IPO11: variants seen among roughly 807,000 people sequenced by gnomAD.
The protein encoded by IPO11 is importin 11.
A neutral mutation model predicts 143.2 loss-of-function variants in IPO11; 66 were observed. The ratio of observed to expected loss-of-function variants is 0.46; its 90% CI spans 0.38 to 0.57. The LOEUF is 0.57. Ranked by LOEUF, IPO11 falls within the 20% of genes least tolerant of loss-of-function variation. The pLI is 0.00. For synonymous variants in IPO11, 385 were observed against 377.8 expected, an observed-to-expected ratio of 1.02 and a Z score of -0.22; for missense variants, 1,026 against 1,141.0, an observed-to-expected ratio of 0.90 and a Z score of 1.45.
At chr5:62,580,744 A>G (rs1580348562) in intron 27 of IPO11, 2 of 1,551,494 alleles carry the variant, frequency 1.3e-6, no homozygotes, top group Non-Finnish European at 8.7e-7. Flanking sequence ...GGCCTGGCAT[A>G]AAGTAACCAC....
At chr5:62,554,309 T>C (rs1019590614) in intron 26 of IPO11, among the ~76,000 whole-genome samples, 4 of 152,198 alleles carry the variant, frequency 2.6e-5, no homozygotes, top group African/African-American at 7.2e-5. Flanking sequence ...TTTTTCCTTT[T>C]GTTGCCTATG....
chr5:62,437,139 T>C lies in IPO11; in HGVS notation c.-6-135T>C, dbSNP rs562521568. The C allele has an allele frequency of 1.5e-4, 89 of 574,768 alleles. No individual in the cohort carries two copies. The Middle Eastern group carries it at 4.8e-3, about 31-fold the overall frequency. 35.6% of individuals were successfully genotyped at this position (574,768 alleles called of 1,614,324 possible). ...GAGTATGGGGTATACTTAGAAAAGA[T>C]AGAAAGGCAGAACATGAAGGATTAG... On this transcript the variant is annotated intron_variant, in intron 1 of 29. Transcript: ENST00000325324.
chr5:62,550,515 T>G (rs968464767), intron 25 of IPO11, 53 bp downstream of exon 25: 4 of 1,175,520 alleles, frequency 3.4e-6, no homozygotes, highest in Non-Finnish European at 5.0e-6. Flanking sequence ...GGATTCTAGT[T>G]TTAATTACTC....
intron 1 of IPO11, among the ~76,000 whole-genome samples, chr5:62,420,001 A>G (rs2112094172): frequency 6.6e-6 from 1 of 152,234 alleles, no homozygotes; most frequent in East Asian, 1.9e-4. Context: ...TAACTCTTAA[A>G]AAAAGTAGGC....
intron 1 of IPO11, among the ~76,000 whole-genome samples, chr5:62,421,649 CTG>C (rs773106119): frequency 9.2e-5 from 14 of 152,150 alleles, no homozygotes; most frequent in Non-Finnish European, 2.1e-4. Context: ...AATACTTAAA[CTG>C]TGTAGAGAAC....
chr5:62,490,900 C>T lies in IPO11; in HGVS notation c.1463+680C>T, dbSNP rs6873199. On this transcript the variant is annotated intron_variant, in intron 15 of 29. Coordinates refer to ENST00000325324, the MANE Select transcript of IPO11 (RefSeq NM_016338.5). The stretch of plus-strand genomic sequence containing the variant: ...TCTCCTGAGTAGCAGGGATTACAGG[C>T]GCATGCCACCACACCTGGCCAGCCC... Among the ~76,000 whole-genome samples the T allele has an allele frequency of 7.0e-3, 1,072 of 152,226 alleles. 11 individuals carry two copies. Among genetic ancestry groups the T allele is most frequent in the African/African-American group, 0.025 (1,032 of 41,528 alleles).
chr5:62,488,280 C>T (rs1165759174), intron 13 of IPO11, among the ~76,000 whole-genome samples: 1 of 152,212 alleles, frequency 6.6e-6, no homozygotes, highest in Admixed American at 6.5e-5. Flanking sequence ...ACACTTTGTA[C>T]ACAAGTAACT....
At chr5:62,596,772 ATTCTGCCCCAC>A (rs1745240720) in intron 28 of IPO11, among the ~76,000 whole-genome samples, 1 of 151,876 alleles carries the variant, frequency 6.6e-6, no homozygotes, top group South Asian at 2.1e-4. Context: ...CCTCTGATCC[ATTCTGCCCCAC>A]TTAAAATTAA....
intron 27 of IPO11, among the ~76,000 whole-genome samples, chr5:62,584,272 G>A (rs1451601135): frequency 1.3e-5 from 2 of 152,034 alleles, no homozygotes; most frequent in Non-Finnish European, 2.9e-5. Context: ...CTTCAGTGGT[G>A]ATGGGACAGA....
chr5:62,513,306 G>A (rs1390761812), intron 19 of IPO11, among the ~76,000 whole-genome samples: 9 of 89,562 alleles, frequency 1.0e-4, no homozygotes, highest in African/African-American at 1.8e-4. Context: ...CTGGCTGGGC[G>A]TGGGGCTGAC....
intron 1 of IPO11, among the ~76,000 whole-genome samples, chr5:62,416,686 G>A (rs569335891): frequency 1.6e-4 from 24 of 151,434 alleles, no homozygotes; most frequent in African/African-American, 5.8e-4. Context: ...ACTTAACAAG[G>A]ATTTAAGCAT....
chr5:62,423,613 A>G (rs1430305113), intron 1 of IPO11, among the ~76,000 whole-genome samples: 1 of 152,178 alleles, frequency 6.6e-6, no homozygotes, highest in Non-Finnish European at 1.5e-5. Flanking sequence ...GAATTTTATG[A>G]TGAACCCCCA....
intron 27 of IPO11, chr5:62,581,322 G>A: frequency 6.8e-7 from 1 of 1,478,194 alleles, no homozygotes; most frequent in South Asian, 1.4e-5. Context: ...ACTAAATATT[G>A]TCTATAAGAA....
At chr5:62,532,539 G>A (rs1742587044) in intron 22 of IPO11, among the ~76,000 whole-genome samples, 2 of 151,946 alleles carry the variant, frequency 1.3e-5, no homozygotes, top group Non-Finnish European at 2.9e-5. Context: ...TGTATTTTTA[G>A]TAGTGATGGG....
chr5:62,456,471 A>T (rs1438896902), intron 5 of IPO11, among the ~76,000 whole-genome samples: 1 of 152,158 alleles, frequency 6.6e-6, no homozygotes, highest in Non-Finnish European at 1.5e-5. Context: ...ATGTCCCCAA[A>T]TCACGATGTG....
At chr5:62,493,445 A>G (rs961338566) in intron 15 of IPO11, among the ~76,000 whole-genome samples, 1 of 152,226 alleles carries the variant, frequency 6.6e-6, no homozygotes, top group African/African-American at 2.4e-5. Context: ...TTTAAGATAA[A>G]AGAGTCAGGA....
In IPO11 at chr5:62,506,125, T is replaced by C. The variant is rs569074600; in HGVS notation, c.1666-116T>C. 33 of 537,402 alleles carry C rather than the reference T, an allele frequency of 6.1e-5. No homozygotes were observed. The African/African-American group carries it at 6.2e-4, about 10-fold the overall frequency. The allele number at this position is 537,402 out of a possible 1,614,324, so 33.3% of individuals were successfully genotyped here. On this transcript the variant is annotated intron_variant, in intron 18 of 29. Transcript: ENST00000325324. ...TTAGGTAATGCCAAGCTTTTGGCTG[T>C]TTATTTGACTTACTGCTTTGACATT...
chr5:62,481,897 C>T (rs938528341), intron 9 of IPO11, among the ~76,000 whole-genome samples: 2 of 152,096 alleles, frequency 1.3e-5, no homozygotes, highest in Admixed American at 1.3e-4. Flanking sequence ...TGATAGAATT[C>T]GGCTGTGAAT....
At chr5:62,608,191 T>A (rs1196858949) in intron 29 of IPO11, among the ~76,000 whole-genome samples, 1 of 152,216 alleles carries the variant, frequency 6.6e-6, no homozygotes, top group East Asian at 1.9e-4. Flanking sequence ...TCTTCCTTAC[T>A]AATCATTCCT....
Sources: allele counts gnomAD v4.1 joint callset (sites outside exome capture counted in the v4.1 genomes callset), GRCh38; gene constraint gnomAD v4.1.1; transcripts MANE v1.5; gene names NCBI Gene and HGNC (gene_info 2026-07-23, HGNC 2026-07-21).